The following ANKS3 variants were observed in gnomAD, a reference collection of about 807,000 sequenced individuals.
ANKS3 encodes ankyrin repeat and sterile alpha motif domain containing 3, also known as ankyrin repeat and SAM domain-containing protein 3.
Under a neutral mutation model 80.7 loss-of-function variants are expected in ANKS3, and 62 were observed. The ratio of observed to expected loss-of-function variants is 0.77; its 90% confidence interval spans 0.63 to 0.95. The LOEUF (loss-of-function observed/expected upper bound fraction) is 0.95, where lower values mean the gene tolerates loss of function less well. Among genes scored for constraint, ANKS3 ranks in the 40% least tolerant of loss-of-function variants. ANKS3 has a pLI of 0.00. For missense variants in ANKS3, 1,150 were observed against 883.6 expected, an observed-to-expected ratio of 1.30 and a Z score of -3.82; for synonymous variants, 489 against 355.3, an observed-to-expected ratio of 1.38 and a Z score of -4.23.
chr16:4,731,610 TG>T, intron 1 of ANKS3, 31 bp from the exon 2 acceptor site: 1 of 917,008 alleles, frequency 1.1e-6, no homozygotes, highest in Non-Finnish European at 1.3e-6. Flanking sequence ...TTAATTTTTC[TG>T]GAATGGTTAT....
At chr16:4,730,873 A>AC (rs2081580231) in intron 2 of ANKS3, among the ~76,000 whole-genome samples, 1 of 152,086 alleles carries the variant, frequency 6.6e-6, no homozygotes, top group Non-Finnish European at 1.5e-5. Flanking sequence ...CAAAAAAAAA[A>AC]AACAACAAAA....
At chr16:4,697,954 C>G in intron 15 of ANKS3, 23 bp downstream of exon 15, 1 of 1,549,588 alleles carries the variant, frequency 6.5e-7, no homozygotes, top group Admixed American at 1.9e-5. Context: ...CTGCCCAGTG[C>G]GGAGTCAGGC....
chr16:4,699,820 C>T (rs1420798982), intron 11 of ANKS3: 1 of 152,434 alleles, frequency 6.6e-6, no homozygotes, highest in African/African-American at 2.4e-5. Flanking sequence ...TCTGCCTGCT[C>T]AATTCTGCTG....
In ANKS3 at chr16:4,698,885, G is replaced by A; in HGVS notation, c.1466C>T (p.Ala489Val). The change falls in exon 13 of 18, where the codon GCC (alanine) becomes GTC (valine). Residue 489 changes from alanine to valine, a missense_variant. Transcript: ENST00000304283. The stretch of plus-strand genomic sequence containing the variant: ...CTCCAGGGCATCCCCGGGTGGGCGG[G>A]CACTGCTGTGCCAGCGGGCAATGGC... ...TSAIARWHSSARPPGDALELA... is the reference protein window; with the variant it reads ...TSAIARWHSSVRPPGDALELA... 2 of 1,600,048 alleles carry A rather than the reference G, an allele frequency of 1.2e-6. No individual in the cohort carries two copies. The highest frequency in any genetic ancestry group is 1.3e-5 in the African/African-American group (1 of 74,910).
chr16:4,709,628 G>A (rs984035323), intron 7 of ANKS3, among the ~76,000 whole-genome samples: 1 of 152,164 alleles, frequency 6.6e-6, no homozygotes, highest in Non-Finnish European at 1.5e-5. Flanking sequence ...ATATTATTCA[G>A]ACATAAAGAA....
At chr16:4,726,582 C>T in intron 5 of ANKS3, 77 bp downstream of exon 5, 1 of 1,527,540 alleles carries the variant, frequency 6.5e-7, no homozygotes, top group Non-Finnish European at 8.9e-7. Flanking sequence ...CTCTGGTTAG[C>T]TGCCTCCAGA....
chr16:4,730,554 T>C (rs1166496709), intron 2 of ANKS3, among the ~76,000 whole-genome samples: 1 of 152,132 alleles, frequency 6.6e-6, no homozygotes, highest in African/African-American at 2.4e-5. Context: ...GGAAGAACCC[T>C]GGATTTGGGG....
At chr16:4,713,840 G>T (rs796711132) in intron 7 of ANKS3, among the ~76,000 whole-genome samples, 2 of 152,198 alleles carry the variant, frequency 1.3e-5, no homozygotes, top group East Asian at 1.9e-4. Context: ...ATTCACAACA[G>T]CCTGGTTTTG....
intron 1 of ANKS3, 26 bp downstream of exon 1, chr16:4,733,912 C>G (rs2081806960): frequency 1.0e-6 from 1 of 985,356 alleles, no homozygotes; most frequent in Admixed American, 6.1e-5. Flanking sequence ...CGGGGCGGGT[C>G]CCTGGCCGAC....
rs942012336 is a variant in ANKS3 at position 4,726,724 on chromosome 16, A to G, written c.426T>C (p.Cys142=). Residue 142 remains cysteine (C), a synonymous_variant, in exon 5 of 18, where the codon TGT becomes TGC. Coordinates refer to ENST00000304283, the MANE Select transcript of ANKS3 (RefSeq NM_133450.4). ...DIQGWTALFH[C]TSAGHQHMVR... is the part of the protein sequence containing the mutation. ...CCATGTGCTGGTGCCCGGCGCTGGT[A>G]CAGTGGAAGAGGGCTGTCCAGCCCT... The G allele has an allele frequency of 4.3e-6, 7 of 1,614,116 alleles. No individual in the cohort carries two copies. In the African/African-American group the frequency reaches 8.0e-5, roughly 18 times the overall value.
rs376739237 is a variant in ANKS3, at chr16:4,701,370, G to A, written c.1119+64C>T. ...CATACATGCTCATCTTAAAGTAACT[G>A]GGGGATGTCAGGCATCCCAGCCAGG... On this transcript the variant is annotated intron_variant, in intron 10 of 17. Transcript: ENST00000304283. 2.8e-4 allele frequency: 402 copies of A among 1,443,904 alleles called. 4 individuals carry two copies. The South Asian group carries it at 5.0e-3, about 18-fold the overall frequency. 89.4% of individuals were successfully genotyped at this position (1,443,904 alleles called of 1,614,324 possible). A position where few individuals can be genotyped will look rare whatever the true frequency, so the allele number is the denominator to read the frequency against.
chr16:4,723,211 C>T (rs1445903598), intron 6 of ANKS3, among the ~76,000 whole-genome samples: 1 of 152,218 alleles, frequency 6.6e-6, no homozygotes, highest in African/African-American at 2.4e-5. Context: ...ATGTACAATT[C>T]AACGGCTTCT....
chr16:4,722,862 G>A (rs1003264285), intron 6 of ANKS3, among the ~76,000 whole-genome samples: 4 of 150,766 alleles, frequency 2.7e-5, no homozygotes, highest in Non-Finnish European at 4.4e-5. Flanking sequence ...AGGTTGCAGT[G>A]AGCCGAGATC....
intron 15 of ANKS3, among the ~76,000 whole-genome samples, chr16:4,697,739 C>A (rs1230323051): frequency 1.3e-5 from 2 of 152,208 alleles, no homozygotes; most frequent in Admixed American, 1.3e-4. Flanking sequence ...AGGCACAGGG[C>A]CTTTCTCGAG....
chr16:4,715,812 T>C (rs1328537854), intron 6 of ANKS3, among the ~76,000 whole-genome samples: 1 of 152,152 alleles, frequency 6.6e-6, no homozygotes, highest in Non-Finnish European at 1.5e-5. Flanking sequence ...GCTTTTTTTT[T>C]TTTAATAGGA....
At chr16:4,732,827 A>T (rs1311592960) in intron 1 of ANKS3, among the ~76,000 whole-genome samples, 1 of 152,130 alleles carries the variant, frequency 6.6e-6, no homozygotes, top group African/African-American at 2.4e-5. Flanking sequence ...AGTATCTGTT[A>T]CCTTTACAGT....
intron 6 of ANKS3, among the ~76,000 whole-genome samples, chr16:4,720,131 C>T (rs535006387): frequency 2.3e-5 from 3 of 128,108 alleles, no homozygotes; most frequent in Admixed American, 8.5e-5. Context: ...CACTGTACTC[C>T]AGCCTTGGGG....
At chr16:4,717,840 G>T (rs752473211) in intron 6 of ANKS3, among the ~76,000 whole-genome samples, 5 of 151,622 alleles carry the variant, frequency 3.3e-5, no homozygotes, top group Non-Finnish European at 4.4e-5. Flanking sequence ...CTGTCACCCA[G>T]GCTGGAGTGC....
intron 8 of ANKS3, among the ~76,000 whole-genome samples, chr16:4,702,766 C>T (rs1218476469): frequency 6.6e-6 from 1 of 152,034 alleles, no homozygotes; most frequent in Non-Finnish European, 1.5e-5. Context: ...TTACCTAACT[C>T]TACCTGCCTC....
Sources: allele counts gnomAD v4.1 joint callset (sites outside exome capture counted in the v4.1 genomes callset), GRCh38; gene constraint gnomAD v4.1.1; transcripts MANE v1.5; gene names NCBI Gene and HGNC (gene_info 2026-07-23, HGNC 2026-07-21).